The following YWHAZ variants were observed in gnomAD, a reference collection of about 807,000 sequenced individuals.
YWHAZ encodes the protein tyrosine 3-monooxygenase/tryptophan 5-monooxygenase activation protein zeta, also known as 14-3-3 protein zeta/delta.
For synonymous variants in YWHAZ, 87 were observed against 103.6 expected, an observed-to-expected ratio of 0.84 and a Z score of 0.97; for missense variants, 79 against 284.8, an observed-to-expected ratio of 0.28 and a Z score of 5.20.
chr8:100,918,413 TATATATATA>T lies in YWHAZ; in HGVS notation c.*2271_*2279del, dbSNP rs1812802818. On this transcript the variant is annotated 3_prime_UTR_variant, in exon 6 of 6. Coordinates refer to ENST00000395958, the MANE Select transcript of YWHAZ (RefSeq NM_145690.3). Reference sequence around the variant, plus strand: ...AGCTATAAAATATAATTACTTTATATATATATATATATATATATATATATATATATAATT... The same window carrying T: ...AGCTATAAAATATAATTACTTTATATTATATATATATATATATATATAATT... 3 of 55,622 alleles carry T rather than the reference TATATATATA, an allele frequency of 5.4e-5. No individual in the cohort carries two copies. The highest frequency in any genetic ancestry group is 8.0e-5 in the African/African-American group (1 of 12,488). 3.4% of individuals were successfully genotyped at this position (55,622 alleles called of 1,614,324 possible). A position where few individuals can be genotyped will look rare whatever the true frequency, so the allele number is the denominator to read the frequency against.
chr8:100,942,715 G>A (rs1586144769), intron 2 of YWHAZ, among the ~76,000 whole-genome samples: 1 of 152,116 alleles, frequency 6.6e-6, no homozygotes, highest in African/African-American at 2.4e-5. Flanking sequence ...ATAGTGAGAC[G>A]ACCAAACTAA....
At chr8:100,925,250 A>G (rs1813281446) in intron 2 of YWHAZ, among the ~76,000 whole-genome samples, 1 of 152,250 alleles carries the variant, frequency 6.6e-6, no homozygotes, top group African/African-American at 2.4e-5. Flanking sequence ...GTTAGTGTTC[A>G]GTTTATTATT....
At chr8:100,926,125 C>G (rs1050744558) in intron 2 of YWHAZ, among the ~76,000 whole-genome samples, 1 of 151,744 alleles carries the variant, frequency 6.6e-6, no homozygotes, top group Non-Finnish European at 1.5e-5. Context: ...TAAATGGTAA[C>G]TCCAACTTTT....
chr8:100,920,136 G>C lies in YWHAZ; in HGVS notation c.*557C>G, dbSNP rs986992388. On this transcript the variant is annotated 3_prime_UTR_variant, in exon 6 of 6. Transcript: ENST00000395958. ...TTCTGCCCTTATCCAGAGTAAAATG[G>C]GTCACAACTTTGTCTAAAGGAACAC... 2.0e-5 allele frequency: 3 copies of C among 152,514 alleles called. No homozygotes were observed. The highest frequency in any genetic ancestry group is 4.4e-5 in the Non-Finnish European group (3 of 68,120). The allele number at this position is 152,514 out of a possible 1,614,324, so 9.4% of individuals were successfully genotyped here. A position where few individuals can be genotyped will look rare whatever the true frequency, so the allele number is the denominator to read the frequency against.
At chr8:100,943,243 A>G (rs1810002510) in intron 2 of YWHAZ, among the ~76,000 whole-genome samples, 1 of 152,366 alleles carries the variant, frequency 6.6e-6, no homozygotes, top group Non-Finnish European at 1.5e-5. Flanking sequence ...TTTATTCTCT[A>G]TGTGGAACTG....
In YWHAZ at chr8:100,924,087, C is replaced by G. The variant is rs1813203624; in HGVS notation, c.583-37G>C. 6.2e-7 allele frequency: 1 copy of G among 1,607,420 alleles called. No homozygotes were observed. The highest frequency in any genetic ancestry group is 1.3e-5 in the African/African-American group (1 of 74,502). On this transcript the variant is annotated intron_variant, in intron 4 of 5. Coordinates refer to ENST00000395958, the MANE Select transcript of YWHAZ (RefSeq NM_145690.3). This position sits in a 1 kb window ranked among gnomAD's most constrained non-coding sequence, Gnocchi z 5.7. Reference sequence around the variant, plus strand: ...AAATAGTACATTACATTTCAGTGCTCAAATAATAAAGACTGCTAAATTTCT... The same window carrying G: ...AAATAGTACATTACATTTCAGTGCTGAAATAATAAAGACTGCTAAATTTCT...
rs200692070 is a variant in YWHAZ at position 100,920,799 on chromosome 8, G to GT, written c.679-48_679-47insA. ...TTTCAGCAAGTTTCAGTGGGATGGG[G>GT]GGGGGGGGGCGTTTTCATATAAGTG... On this transcript the variant is annotated intron_variant, in intron 5 of 5. Transcript: ENST00000395958. 733 of 1,014,528 alleles carry GT rather than the reference G, an allele frequency of 7.2e-4. 33 individuals carry two copies. In the African/African-American group the frequency reaches 0.011, roughly 15 times the overall value. 62.8% of individuals were successfully genotyped at this position (1,014,528 alleles called of 1,614,324 possible).
At chr8:100,945,626 T>C (rs1265235794) in intron 2 of YWHAZ, among the ~76,000 whole-genome samples, 1 of 152,160 alleles carries the variant, frequency 6.6e-6, no homozygotes, top group Non-Finnish European at 1.5e-5. Flanking sequence ...TCATTAATAA[T>C]GATTCAATAA....
intron 2 of YWHAZ, among the ~76,000 whole-genome samples, chr8:100,937,507 C>T (rs1439943066): frequency 6.6e-6 from 1 of 152,160 alleles, no homozygotes; most frequent in African/African-American, 2.4e-5. Flanking sequence ...CAAATCCCCC[C>T]AGAATATCAA....
chr8:100,950,426 C>A lies in YWHAZ; in HGVS notation c.-12+1503G>T, dbSNP rs1174562632. ...CTTACCTGACTTGAGACGTCGGTTA[C>A]TGTGAAACGAAAACGGGCAGACCCG... On this transcript the variant is annotated intron_variant, in intron 1 of 5. Coordinates refer to ENST00000395958, the MANE Select transcript of YWHAZ (RefSeq NM_145690.3). 5.1e-6 allele frequency: 5 copies of A among 985,388 alleles called. No individual in the cohort carries two copies. The African/African-American group carries it at 8.7e-5, about 17-fold the overall frequency. The allele number at this position is 985,388 out of a possible 1,614,324, so 61.0% of individuals were successfully genotyped here.
intron 1 of YWHAZ, chr8:100,950,876 G>A (rs1221836048): frequency 6.2e-6 from 1 of 160,428 alleles, no homozygotes; most frequent in Non-Finnish European, 1.3e-5. Context: ...ACACCCAGCC[G>A]AGCGGGCCAC....
chr8:100,924,906 A>T lies in YWHAZ; in HGVS notation c.418+10T>A. 6.2e-7 allele frequency: 1 copy of T among 1,611,676 alleles called. No individual in the cohort carries two copies. The highest frequency in any genetic ancestry group is 8.5e-7 in the Non-Finnish European group (1 of 1,179,658). On this transcript the variant is annotated intron_variant, in intron 3 of 5. Transcript: ENST00000395958. This position sits in a 1 kb window ranked among gnomAD's most constrained non-coding sequence, Gnocchi z 5.7. ...TACAAGTTCAACCAACAGGTTTAAAAACAGCATACCTTTCTTGTCATCACC... is the reference window on the plus strand; with the variant it reads ...TACAAGTTCAACCAACAGGTTTAAATACAGCATACCTTTCTTGTCATCACC...
intron 1 of YWHAZ, chr8:100,950,342 C>A (rs1417734887): frequency 1.0e-6 from 1 of 980,528 alleles, no homozygotes; most frequent in Non-Finnish European, 1.2e-6. Context: ...CACACAGTAA[C>A]GAGTGCTCCA....
chr8:100,951,739 C>T, intron 1 of YWHAZ, 190 bp downstream of exon 1: 3 of 985,404 alleles, frequency 3.0e-6, no homozygotes, highest in Non-Finnish European at 3.6e-6. Context: ...CGGAGGCGGC[C>T]GCTAGCCGCC....
At chr8:100,949,731 T>G (rs952415280) in intron 1 of YWHAZ, among the ~76,000 whole-genome samples, 2 of 152,210 alleles carry the variant, frequency 1.3e-5, no homozygotes, top group African/African-American at 4.8e-5. Context: ...AGTGCTGCAT[T>G]TTGCTTCTAG....
chr8:100,923,387 G>A (rs1205302775), intron 5 of YWHAZ: 1 of 152,172 alleles, frequency 6.6e-6, no homozygotes, highest in Non-Finnish European at 1.5e-5. Context: ...TAAAAAAAGA[G>A]AGATAATTGG....
intron 1 of YWHAZ, chr8:100,951,411 G>GCTT: frequency 3.1e-6 from 3 of 964,248 alleles, no homozygotes; most frequent in Non-Finnish European, 3.7e-6. Context: ...CGAGGGGGAG[G>GCTT]GAAAGGAGGG....
intron 1 of YWHAZ, among the ~76,000 whole-genome samples, chr8:100,950,082 T>C (rs921210733): frequency 6.6e-6 from 1 of 152,188 alleles, no homozygotes; most frequent in African/African-American, 2.4e-5. Context: ...TTTAACCAAA[T>C]GAGAGAACAG....
upstream of YWHAZ, chr8:100,952,173 G>A: frequency 1.0e-6 from 1 of 984,678 alleles, no homozygotes; most frequent in Non-Finnish European, 1.2e-6. Flanking sequence ...GGGGCCCCGC[G>A]TAACCGCCGC....
Sources: gnomAD v4.1 joint callset for allele counts (sites outside exome capture counted in the v4.1 genomes callset) on GRCh38, gnomAD v4.1.1 for gene constraint, Gnocchi (gnomAD v3.1) non-coding constraint, MANE v1.5 for transcripts, NCBI Gene and HGNC (gene_info 2026-07-23, HGNC 2026-07-21) for gene names.